Variants in SLC35F1 observed in about 807,000 individuals in gnomAD.
SLC35F1 encodes solute carrier family 35 member F1, also known as chromosome 6 open reading frame 169.
A neutral mutation model predicts 48.7 loss-of-function variants in SLC35F1; 14 were observed. That is an observed-to-expected ratio of 0.29 (90% CI 0.19 to 0.45). The LOEUF (loss-of-function observed/expected upper bound fraction) is 0.45. SLC35F1 is among the 20% of genes least tolerant of loss of function. SLC35F1 has a pLI of 1.00. For missense variants in SLC35F1, 404 were observed against 500.0 expected, an observed-to-expected ratio of 0.81 and a Z score of 1.83; for synonymous variants, 190 against 202.2, an observed-to-expected ratio of 0.94 and a Z score of 0.51.
Position 117,952,826 on chromosome 6 carries a change from A to T in SLC35F1, c.173+44927A>T, listed in dbSNP as rs1582582624. 3.3e-5 allele frequency among the ~76,000 whole-genome samples: 5 copies of T among 152,340 alleles called. 1 individual carries two copies. Among genetic ancestry groups the T allele is most frequent in the Admixed American group, 3.3e-4 (5 of 15,302 alleles). On this transcript the variant is annotated intron_variant, in intron 1 of 7. Coordinates refer to ENST00000360388, the MANE Select transcript of SLC35F1 (RefSeq NM_001029858.4). ...GTGTTTATAATTTTTAGCCTACCAGAACTAAAGAAGAACCTAATTTGGGGA... is the reference window on the plus strand; with the variant it reads ...GTGTTTATAATTTTTAGCCTACCAGTACTAAAGAAGAACCTAATTTGGGGA...
intron 1 of SLC35F1, among the ~76,000 whole-genome samples, chr6:118,107,935 C>T (rs1773348108): frequency 6.6e-6 from 1 of 152,008 alleles, no homozygotes; most frequent in Non-Finnish European, 1.5e-5. Flanking sequence ...GTGACCTTTC[C>T]TATTGGAACT....
At chr6:117,931,317 A>G (rs1215581998) in intron 1 of SLC35F1, among the ~76,000 whole-genome samples, 1 of 152,262 alleles carries the variant, frequency 6.6e-6, no homozygotes, top group Non-Finnish European at 1.5e-5. Context: ...AAGTGGTTAC[A>G]AAAACAGATA....
chr6:118,060,992 T>G (rs1201762227), intron 1 of SLC35F1, among the ~76,000 whole-genome samples: 1 of 152,238 alleles, frequency 6.6e-6, no homozygotes, highest in Non-Finnish European at 1.5e-5. Context: ...ATTTTCTTTT[T>G]CTCTCTAGTA....
intron 2 of SLC35F1, among the ~76,000 whole-genome samples, chr6:118,184,472 CA>C (rs1352346655): frequency 6.6e-6 from 1 of 152,222 alleles, no homozygotes; most frequent in East Asian, 1.9e-4. Flanking sequence ...AGTAAGCAAC[CA>C]ATGCCCTAAC....
chr6:118,025,710 C>T (rs1266757812), intron 1 of SLC35F1, among the ~76,000 whole-genome samples: 1 of 152,158 alleles, frequency 6.6e-6, no homozygotes, highest in Non-Finnish European at 1.5e-5. Context: ...TATAATCCCA[C>T]ACCATTTTAG....
chr6:118,161,571 A>G (rs915762438), intron 2 of SLC35F1, among the ~76,000 whole-genome samples: 5 of 152,210 alleles, frequency 3.3e-5, no homozygotes, highest in Non-Finnish European at 7.3e-5. Context: ...GAGCCTCTTA[A>G]AAAGTCTCCC....
chr6:118,115,078 G>A (rs955295475), intron 1 of SLC35F1, among the ~76,000 whole-genome samples: 4 of 152,174 alleles, frequency 2.6e-5, no homozygotes, highest in Non-Finnish European at 5.9e-5. Flanking sequence ...TGTATACAGA[G>A]ACACAACTTT....
At chr6:118,131,308 A>T (rs1231997246) in intron 1 of SLC35F1, among the ~76,000 whole-genome samples, 2 of 152,202 alleles carry the variant, frequency 1.3e-5, no homozygotes, top group Non-Finnish European at 2.9e-5. Flanking sequence ...GCACAGAAAC[A>T]ATTTTTATTA....
intron 3 of SLC35F1, among the ~76,000 whole-genome samples, chr6:118,238,293 T>G (rs1026722800): frequency 1.3e-5 from 2 of 152,118 alleles, no homozygotes; most frequent in African/African-American, 4.8e-5. Flanking sequence ...AACTGTCTTT[T>G]GATAAGCCGG....
intron 1 of SLC35F1, among the ~76,000 whole-genome samples, chr6:118,068,291 A>C (rs1772646722): frequency 6.6e-6 from 1 of 152,180 alleles, no homozygotes; most frequent in Non-Finnish European, 1.5e-5. Context: ...TAATTCAGTC[A>C]AGCTGGCACC....
At chr6:118,153,563 G>A (rs903353978) in intron 1 of SLC35F1, among the ~76,000 whole-genome samples, 5 of 152,150 alleles carry the variant, frequency 3.3e-5, no homozygotes, top group African/African-American at 1.2e-4. Flanking sequence ...CTTTGTATTT[G>A]CAGGGGCTTT....
chr6:118,314,652 C>A lies in SLC35F1; in HGVS notation c.*400C>A, dbSNP rs1776410568. 4.7e-6 allele frequency: 1 copy of A among 212,320 alleles called. No homozygotes were observed. Among genetic ancestry groups the A allele is most frequent in the South Asian group, 9.3e-5 (1 of 10,758 alleles). 13.2% of individuals were successfully genotyped at this position (212,320 alleles called of 1,614,324 possible). ...AGACCCACATGTAGTCAACATAAAC[C>A]CCACTTTTCTATGGCAATTCACTTT... On this transcript the variant is annotated 3_prime_UTR_variant, in exon 8 of 8. Coordinates refer to ENST00000360388, the MANE Select transcript of SLC35F1 (RefSeq NM_001029858.4).
At chr6:118,063,475 A>AT (rs375591127) in intron 1 of SLC35F1, among the ~76,000 whole-genome samples, 4 of 152,080 alleles carry the variant, frequency 2.6e-5, no homozygotes, top group Non-Finnish European at 4.4e-5. Flanking sequence ...AAATGTATGC[A>AT]TTTTTTTCTC....
chr6:118,181,945 C>G (rs185583162), intron 2 of SLC35F1, among the ~76,000 whole-genome samples: 15 of 152,152 alleles, frequency 9.9e-5, no homozygotes, highest in African/African-American at 3.6e-4. Flanking sequence ...ACTGTCCTAG[C>G]AAAGTGGGAG....
intron 2 of SLC35F1, among the ~76,000 whole-genome samples, chr6:118,185,390 G>A (rs1275280802): frequency 6.6e-6 from 1 of 152,128 alleles, no homozygotes; most frequent in African/African-American, 2.4e-5. Context: ...CATTTCCCCT[G>A]AGGCAACATA....
At chr6:118,129,791 T>C (rs1031361521) in intron 1 of SLC35F1, among the ~76,000 whole-genome samples, 1 of 152,168 alleles carries the variant, frequency 6.6e-6, no homozygotes, top group African/African-American at 2.4e-5. Flanking sequence ...CCTTTACATA[T>C]TTAAGAGATG....
intron 3 of SLC35F1, among the ~76,000 whole-genome samples, chr6:118,248,042 T>A (rs1775530105): frequency 1.3e-5 from 2 of 152,210 alleles, no homozygotes; most frequent in African/African-American, 4.8e-5. Flanking sequence ...CAGAGGCAAT[T>A]TCAAAGAGTT....
chr6:118,021,859 T>C (rs1247251735), intron 1 of SLC35F1, among the ~76,000 whole-genome samples: 1 of 152,134 alleles, frequency 6.6e-6, no homozygotes, highest in Non-Finnish European at 1.5e-5. Flanking sequence ...TCTAAGATGG[T>C]CTCTCTTCCA....
intron 2 of SLC35F1, among the ~76,000 whole-genome samples, chr6:118,196,130 C>CA (rs1480008152): frequency 6.6e-6 from 1 of 152,170 alleles, no homozygotes; most frequent in Non-Finnish European, 1.5e-5. Flanking sequence ...GGTACAGAAA[C>CA]AGCTGGATTA....
Sources: allele counts gnomAD v4.1 joint callset (sites outside exome capture counted in the v4.1 genomes callset), GRCh38; gene constraint gnomAD v4.1.1; transcripts MANE v1.5; gene names NCBI Gene and HGNC (gene_info 2026-07-23, HGNC 2026-07-21).